Variants in NCOR1 observed in about 807,000 individuals in gnomAD.
NCOR1 encodes the protein protein phosphatase 1, regulatory subunit 109.
NCOR1 carries 63 observed loss-of-function variants against 288.1 expected under a neutral mutation model. The observed-to-expected ratio is 0.22, with a 90% CI of 0.18 to 0.27. NCOR1 has a LOEUF of 0.27. Among genes scored for constraint, NCOR1 ranks in the 10% least tolerant of loss-of-function variants. NCOR1 has a pLI of 1.00. For missense variants in NCOR1, 2,397 were observed against 3,019.2 expected (o/e 0.79, Z 4.83); for synonymous variants, 1,007 against 1,065.9 (o/e 0.94, Z 1.08).
intron 14 of NCOR1, among the ~76,000 whole-genome samples, chr17:16,129,641 T>G (rs1466885772): frequency 6.6e-6 from 1 of 152,174 alleles, no homozygotes; most frequent in Non-Finnish European, 1.5e-5. Context: ...GCTAATAACC[T>G]AACCCTGTAA....
chr17:16,032,303 T>C lies in NCOR1; in HGVS notation c.7316A>G (p.Asp2439Gly). 6.2e-7 allele frequency: 1 copy of C among 1,611,798 alleles called. No homozygotes were observed. The highest frequency in any genetic ancestry group is 2.2e-5 in the East Asian group (1 of 44,754). ...SAQYETLSDS[D>G]D ...CCCCTCACTTTGTGCAGTTCAGTCA[T>C]CACTATCCGACAGGGTCTCGTACTG... The change falls in exon 46 of 46, where the codon GAT becomes GGT. Residue 2439 changes from aspartate to glycine, a missense_variant. Physicochemically the swap from Asp to Gly is moderately conservative, Grantham distance 94. Transcript: ENST00000268712.
At chr17:16,140,371 A>G (rs1483979176) in intron 11 of NCOR1, among the ~76,000 whole-genome samples, 1 of 152,228 alleles carries the variant, frequency 6.6e-6, no homozygotes, top group Non-Finnish European at 1.5e-5. Flanking sequence ...GCTACAAAAG[A>G]AATGAAAAAT....
At chr17:16,192,681 A>T (rs1482660626) in intron 2 of NCOR1, among the ~76,000 whole-genome samples, 1 of 152,090 alleles carries the variant, frequency 6.6e-6, no homozygotes, top group Admixed American at 6.5e-5. Flanking sequence ...CGGACTTGAT[A>T]AAAATAAAAA....
chr17:16,086,487 A>G, intron 22 of NCOR1, 45 bp from the exon 23 acceptor site: 2 of 1,538,556 alleles, frequency 1.3e-6, no homozygotes, highest in Non-Finnish European at 1.8e-6. Flanking sequence ...TCCATTTCCT[A>G]GTTTACAACA....
chr17:16,158,613 A>G, intron 6 of NCOR1, 147 bp downstream of exon 6: 1 of 466,176 alleles, frequency 2.1e-6, no homozygotes, highest in Non-Finnish European at 3.8e-6. Context: ...ACCAAGCTTC[A>G]GTCAGCCAAA....
chr17:16,118,573 TA>T (rs1384652059), intron 17 of NCOR1, among the ~76,000 whole-genome samples: 2 of 152,206 alleles, frequency 1.3e-5, no homozygotes, highest in African/African-American at 2.4e-5. Context: ...AACACTTCTC[TA>T]ATCAATATAT....
intron 21 of NCOR1, among the ~76,000 whole-genome samples, chr17:16,094,459 A>C (rs11872032): frequency 0.45 from 68,914 of 152,080 alleles, 16,659 homozygotes; most frequent in Middle Eastern, 0.59. Context: ...ATTTGAATAA[A>C]TAGAAAATAA....
At chr17:16,073,599 G>C (rs753774284) in intron 27 of NCOR1, 30 bp from the exon 28 acceptor site, 2 of 1,558,148 alleles carry the variant, frequency 1.3e-6, no homozygotes, top group East Asian at 2.4e-5. Context: ...GACTTGCTCA[G>C]ACGGAGCACA....
intron 11 of NCOR1, among the ~76,000 whole-genome samples, chr17:16,140,729 G>A (rs2077024353): frequency 6.6e-6 from 1 of 152,138 alleles, no homozygotes; most frequent in East Asian, 1.9e-4. Flanking sequence ...GAGTAGAATC[G>A]CTTGAACCTG....
intron 1 of NCOR1, among the ~76,000 whole-genome samples, chr17:16,204,949 G>A (rs1316322798): frequency 1.7e-4 from 26 of 152,218 alleles, no homozygotes; most frequent in African/African-American, 5.3e-4. Flanking sequence ...GGCCAGGCGC[G>A]TTGGCTCACG....
chr17:16,155,759 C>A (rs185077667), intron 6 of NCOR1, among the ~76,000 whole-genome samples: 1 of 152,254 alleles, frequency 6.6e-6, no homozygotes, highest in East Asian at 1.9e-4. Context: ...AGGTGTACTT[C>A]TGTAATTACC....
chr17:16,086,491 TACA>T, intron 22 of NCOR1, 49 bp from the exon 23 acceptor site: 5 of 1,504,454 alleles, frequency 3.3e-6, no homozygotes, highest in Non-Finnish European at 4.6e-6. Context: ...TTTCCTAGTT[TACA>T]ACATGTTACC....
rs1282251358 is a variant in NCOR1 at position 16,071,626 on chromosome 17, A to G, written c.3935T>C (p.Leu1312Pro). Residue 1312 changes from leucine (L) to proline (P), a missense_variant, in exon 30 of 46, where the codon CTT (leucine) becomes CCT (proline). Around this residue, in one of 11 missense-constraint regions of NCOR1, gnomAD observed 1,872 missense variants for 2,187.8 expected, o/e 0.86. Coordinates refer to ENST00000268712, the MANE Select transcript of NCOR1 (RefSeq NM_006311.4). ...RATTESFEDG[L>P]KYPKQIKRES... is the part of the protein sequence containing the mutation. ...CCTTTTAATTTGTTTGGGATATTTA[A>G]GGCCATCTTCAAAGCTTTCAGTTGT... 1.9e-6 allele frequency: 3 copies of G among 1,614,086 alleles called. No individual in the cohort carries two copies. Among genetic ancestry groups the G allele is most frequent in the Non-Finnish European group, 1.7e-6 (2 of 1,179,990 alleles).
chr17:16,138,070 T>TA (rs1274215828), intron 13 of NCOR1, 88 bp downstream of exon 13: 4 of 1,035,338 alleles, frequency 3.9e-6, no homozygotes, highest in African/African-American at 3.3e-5. Flanking sequence ...CGGTTCTAGT[T>TA]AACTACTTAT....
chr17:16,140,779 A>T (rs1332381705), intron 11 of NCOR1, among the ~76,000 whole-genome samples: 1 of 152,056 alleles, frequency 6.6e-6, no homozygotes, highest in Non-Finnish European at 1.5e-5. Context: ...GTGCCACTGC[A>T]TTCCAGTCTG....
chr17:16,041,468 C>T (rs1486517601), intron 42 of NCOR1, among the ~76,000 whole-genome samples: 2 of 133,722 alleles, frequency 1.5e-5, no homozygotes, highest in Non-Finnish European at 3.1e-5. Flanking sequence ...GGCTGGAGTG[C>T]AATGGCGTGA....
At chr17:16,143,255 T>TTCTCA (rs1366909840) in intron 11 of NCOR1, among the ~76,000 whole-genome samples, 1 of 152,184 alleles carries the variant, frequency 6.6e-6, no homozygotes, top group African/African-American at 2.4e-5. Context: ...TTCTTCCTCT[T>TTCTCA]TCTCATCTCC....
rs938884892 is a variant in NCOR1 at position 16,176,761 on chromosome 17, C to T, written c.243-4766G>A. Reference sequence around the variant, plus strand: ...GTAGAAGTTTGTAGCCTGACTCTTCCACCTTGTGGAGCATTTATTTTGTTT... The same window carrying T: ...GTAGAAGTTTGTAGCCTGACTCTTCTACCTTGTGGAGCATTTATTTTGTTT... On this transcript the variant is annotated intron_variant, in intron 3 of 45. Transcript: ENST00000268712. Among the ~76,000 whole-genome samples, 3 of 152,004 alleles carry T rather than the reference C, an allele frequency of 2.0e-5. 1 individual carries two copies. The highest frequency in any genetic ancestry group is 7.3e-5 in the African/African-American group (3 of 41,284).
intron 39 of NCOR1, 37 bp downstream of exon 39, chr17:16,057,870 A>G (rs2060113639): frequency 6.4e-7 from 1 of 1,551,020 alleles, no homozygotes; most frequent in African/African-American, 1.4e-5. Context: ...ATGATCAAAA[A>G]AGAAAAATTA....
Sources: gnomAD v4.1 joint callset for allele counts (sites outside exome capture counted in the v4.1 genomes callset) on GRCh38, gnomAD v4.1.1 for gene constraint, gnomAD v4.1.1 regional missense constraint, MANE v1.5 for transcripts, NCBI Gene and HGNC (gene_info 2026-07-23, HGNC 2026-07-21) for gene names.